TRPC1: variants seen among roughly 807,000 people sequenced by gnomAD.
TRPC1 encodes the protein transient receptor potential cation channel subfamily C member 1.
A neutral mutation model predicts 88.2 loss-of-function variants in TRPC1; 42 were observed. The observed-to-expected ratio is 0.48, with a 90% CI of 0.37 to 0.62. The LOEUF (loss-of-function observed/expected upper bound fraction) is 0.62, where lower values mean the gene tolerates loss of function less well. Among genes scored for constraint, TRPC1 ranks in the 20% least tolerant of loss-of-function variants. The probability of loss-of-function intolerance (pLI) is 0.00; values close to 1 mark genes in which losing one functional copy is unlikely to be tolerated. For synonymous variants in TRPC1, 288 were observed against 331.8 expected (o/e 0.87, Z 1.43); for missense variants, 699 against 957.3 (o/e 0.73, Z 3.56).
chr3:142,731,526 A>C (rs1190888309), intron 1 of TRPC1, among the ~76,000 whole-genome samples: 1 of 151,804 alleles, frequency 6.6e-6, no homozygotes, highest in Non-Finnish European at 1.5e-5. Flanking sequence ...CTGGGACTAC[A>C]GGTGCCCCCC....
chr3:142,777,791 T>C (rs750845760), intron 5 of TRPC1, 28 bp downstream of exon 5: 2 of 1,587,670 alleles, frequency 1.3e-6, no homozygotes, highest in South Asian at 2.3e-5. Context: ...TTATATAATG[T>C]ATTTTGTTTT....
At chr3:142,791,266 G>A (rs917471588) in intron 8 of TRPC1, 108 bp downstream of exon 8, 7 of 991,814 alleles carry the variant, frequency 7.1e-6, no homozygotes, top group African/African-American at 3.3e-5. Flanking sequence ...TCAGTGTCTG[G>A]TGTGTTTTCA....
chr3:142,777,258 C>T (rs1935810135), intron 4 of TRPC1, among the ~76,000 whole-genome samples: 2 of 152,090 alleles, frequency 1.3e-5, no homozygotes. Flanking sequence ...TGTGATCACT[C>T]CACTGCACTC....
Position 142,804,027 on chromosome 3 carries a change from A to C in TRPC1, c.1808A>C (p.His603Pro), listed in dbSNP as rs1404406709. 1 of 1,613,642 alleles carries C rather than the reference A, an allele frequency of 6.2e-7. No individual in the cohort carries two copies. Among genetic ancestry groups the C allele is most frequent in the African/African-American group, 1.3e-5 (1 of 74,916 alleles). The change falls in exon 11 of 13, where the codon CAT (histidine) becomes CCT (proline). Residue 603 changes from histidine to proline, a missense_variant. This residue lies in a region of TRPC1 where 426 missense variants were observed against 641.3 expected (regional missense o/e 0.66). Coordinates refer to ENST00000476941, the MANE Select transcript of TRPC1 (RefSeq NM_001251845.2). The part of the protein sequence containing the change: ...ALFWYIFSLA[H>P]VAIFVTRFSY... ...TTCTGGTATATTTTCTCCTTAGCGC[A>C]TGTGGCAATCTTTGTCACAAGATTT...
chr3:142,778,209 A>G (rs1434552394), intron 5 of TRPC1, among the ~76,000 whole-genome samples: 5 of 152,330 alleles, frequency 3.3e-5, no homozygotes, highest in Admixed American at 6.5e-5. Flanking sequence ...CATTCCACAC[A>G]CAGACATAGT....
At chr3:142,762,719 G>A (rs1935230847) in intron 4 of TRPC1, among the ~76,000 whole-genome samples, 1 of 152,012 alleles carries the variant, frequency 6.6e-6, no homozygotes, top group African/African-American at 2.4e-5. Flanking sequence ...ATGAGCCACC[G>A]TGCCCAGCCT....
intron 12 of TRPC1, among the ~76,000 whole-genome samples, chr3:142,805,173 T>C (rs1411387918): frequency 6.8e-6 from 1 of 147,310 alleles, no homozygotes; most frequent in Non-Finnish European, 1.5e-5. Context: ...CACACACATA[T>C]AATTATTAAG....
chr3:142,750,276 AAAG>A (rs1466464583), intron 4 of TRPC1, among the ~76,000 whole-genome samples: 5 of 152,252 alleles, frequency 3.3e-5, no homozygotes, highest in Non-Finnish European at 1.5e-5. Context: ...ACACTTGTCA[AAAG>A]AAGACATTTA....
chr3:142,791,175 T>C lies in TRPC1; in HGVS notation c.1437+17T>C, dbSNP rs759508276. On this transcript the variant is annotated intron_variant, in intron 8 of 12. Coordinates refer to ENST00000476941, the MANE Select transcript of TRPC1 (RefSeq NM_001251845.2). The stretch of plus-strand genomic sequence containing the variant: ...CACAACAAGGTGACTATTTACTATG[T>C]CAATTGAAGGCACAAATTAAGTTTA... 1.3e-6 allele frequency: 2 copies of C among 1,582,364 alleles called. No individual in the cohort carries two copies. Among genetic ancestry groups the C allele is most frequent in the South Asian group, 2.4e-5 (2 of 84,512 alleles).
At chr3:142,725,611 T>C (rs1933643286) in intron 1 of TRPC1, among the ~76,000 whole-genome samples, 1 of 152,216 alleles carries the variant, frequency 6.6e-6, no homozygotes, top group South Asian at 2.1e-4. Flanking sequence ...TTGATTGCCC[T>C]AAGACTGCTT....
chr3:142,725,096 G>A (rs1176048835), intron 1 of TRPC1, among the ~76,000 whole-genome samples: 1 of 152,246 alleles, frequency 6.6e-6, no homozygotes, highest in Non-Finnish European at 1.5e-5. Flanking sequence ...CCTTCCGGGA[G>A]TCGAGAGGCT....
chr3:142,753,458 G>T (rs568155849), intron 4 of TRPC1, among the ~76,000 whole-genome samples: 1 of 152,070 alleles, frequency 6.6e-6, no homozygotes, highest in South Asian at 2.1e-4. Context: ...CAGAAGAAAA[G>T]GAGGTTAACA....
intron 4 of TRPC1, among the ~76,000 whole-genome samples, chr3:142,755,241 G>A (rs1164338168): frequency 6.6e-6 from 1 of 152,072 alleles, no homozygotes; most frequent in African/African-American, 2.4e-5. Flanking sequence ...TGGCCAACAT[G>A]GTGAAAACCC....
intron 4 of TRPC1, among the ~76,000 whole-genome samples, chr3:142,756,193 G>A (rs1456250880): frequency 3.3e-5 from 5 of 152,146 alleles, no homozygotes; most frequent in Admixed American, 6.5e-5. Flanking sequence ...CCAGTTTTTG[G>A]CAGTGAACAT....
intron 7 of TRPC1, among the ~76,000 whole-genome samples, chr3:142,790,783 G>A (rs964506476): frequency 1.3e-5 from 2 of 151,920 alleles, no homozygotes; most frequent in Non-Finnish European, 1.5e-5. Context: ...GGTTTCTTAC[G>A]TTTGTTCCAC....
chr3:142,768,534 T>G (rs1365074337), intron 4 of TRPC1, among the ~76,000 whole-genome samples: 7 of 152,140 alleles, frequency 4.6e-5, no homozygotes, highest in African/African-American at 1.7e-4. Context: ...TTATCTACTT[T>G]GACAGTTTTT....
At chr3:142,771,017 A>G (rs1053783220) in intron 4 of TRPC1, among the ~76,000 whole-genome samples, 5 of 152,150 alleles carry the variant, frequency 3.3e-5, no homozygotes, top group African/African-American at 1.2e-4. Context: ...AAAGAGCAAG[A>G]GAGAGAGAAG....
intron 4 of TRPC1, among the ~76,000 whole-genome samples, chr3:142,772,363 T>G (rs930482343): frequency 6.6e-6 from 1 of 152,190 alleles, no homozygotes; most frequent in Non-Finnish European, 1.5e-5. Flanking sequence ...TTTCTTCTCT[T>G]TGTTCTTCAG....
In TRPC1 at chr3:142,767,882, ATT is replaced by A. The variant is rs534455714; in HGVS notation, c.633-9744_633-9743del. 2.1e-4 allele frequency among the ~76,000 whole-genome samples: 32 copies of A among 150,152 alleles called. No individual in the cohort carries two copies. Among genetic ancestry groups the A allele is most frequent in the African/African-American group, 7.6e-4 (31 of 40,568 alleles). On this transcript the variant is annotated intron_variant, in intron 4 of 12. Transcript: ENST00000476941. This position sits in a 1 kb window ranked among gnomAD's most constrained non-coding sequence, Gnocchi z 5.1. ...TTCTTAGTTTTTAATTGGTTATCTG[ATT>A]TTTTTATTGATGAATTGTGTGTGTA...
Sources: gnomAD v4.1 joint callset for allele counts (sites outside exome capture counted in the v4.1 genomes callset) on GRCh38, gnomAD v4.1.1 for gene constraint, gnomAD v4.1.1 regional missense constraint, Gnocchi (gnomAD v3.1) non-coding constraint, MANE v1.5 for transcripts, NCBI Gene and HGNC (gene_info 2026-07-23, HGNC 2026-07-21) for gene names.